Variants in DMD observed in about 807,000 individuals in gnomAD.
DMD encodes the protein dystrophin, also known as mutant dystrophin.
Under a neutral mutation model 330.1 loss-of-function variants are expected in DMD, and 63 were observed. The ratio of observed to expected loss-of-function variants is 0.19; its 90% CI spans 0.16 to 0.24. The LOEUF (loss-of-function observed/expected upper bound fraction) is 0.24. DMD is among the 10% of genes least tolerant of loss of function. The pLI is 1.00. For missense variants in DMD, 3,344 were observed against 2,684.1 expected (o/e 1.25, Z -5.43); for synonymous variants, 1,223 against 959.8 (o/e 1.27, Z -5.07).
chrX:31,779,102 C>T (rs2090864762), intron 50 of DMD, among the ~76,000 whole-genome samples: 1 of 111,467 alleles, frequency 9.0e-6, no homozygotes. Flanking sequence ...TATTGTTGTG[C>T]CAAGGATATT....
At chrX:32,401,084 A>G (rs1412009882) in intron 30 of DMD, among the ~76,000 whole-genome samples, 4 of 108,061 alleles carry the variant, frequency 3.7e-5, no homozygotes, top group Admixed American at 2.0e-4. Flanking sequence ...CTCAAGGACA[A>G]AAAACCAAAC....
chrX:32,466,771 T>A (rs1490860665), intron 23 of DMD, among the ~76,000 whole-genome samples: 1 of 111,524 alleles, frequency 9.0e-6, no homozygotes, highest in Non-Finnish European at 1.9e-5. Context: ...AGACAAGGAA[T>A]GCTTCTAGAA....
chrX:32,248,628 C>A (rs935959394), intron 43 of DMD, among the ~76,000 whole-genome samples: 1 of 109,179 alleles, frequency 9.2e-6, no homozygotes, highest in Non-Finnish European at 1.9e-5. Context: ...AAGTAATTAA[C>A]TCATTGCAAA....
In DMD at chrX:32,503,595, G is replaced by A. The variant is rs780300715; in HGVS notation, c.2293-1753C>T. Among the ~76,000 whole-genome samples, 318 of 110,952 alleles carry A rather than the reference G, an allele frequency of 2.9e-3. 3 individuals are homozygous for A. Among genetic ancestry groups the A allele is most frequent in the African/African-American group, 9.4e-3 (287 of 30,499 alleles). On this transcript the variant is annotated intron_variant, in intron 18 of 78. Coordinates refer to ENST00000357033, the MANE Select transcript of DMD (RefSeq NM_004006.3). ...CTTTGAGACAGAGTCTCACTCTGTCGCCCAGGCTGGAGTGCAGTGGCATGA... is the reference window on the plus strand; with the variant it reads ...CTTTGAGACAGAGTCTCACTCTGTCACCCAGGCTGGAGTGCAGTGGCATGA...
chrX:33,009,194 A>G (rs368818646), intron 2 of DMD, among the ~76,000 whole-genome samples: 7 of 32,267 alleles, frequency 2.2e-4, no homozygotes, highest in African/African-American at 7.2e-4. Flanking sequence ...GTATATATGT[A>G]TATATGTGTA....
chrX:32,864,487 T>C (rs1250041964), intron 2 of DMD, among the ~76,000 whole-genome samples: 1 of 112,414 alleles, frequency 8.9e-6, no homozygotes, highest in African/African-American at 3.2e-5. Flanking sequence ...TATCTTTTCT[T>C]TCTTCTATCA....
chrX:32,006,465 T>A (rs1436916206), intron 44 of DMD, among the ~76,000 whole-genome samples: 2 of 112,094 alleles, frequency 1.8e-5, no homozygotes, highest in South Asian at 7.3e-4. Flanking sequence ...ATCGGATGTG[T>A]AGTTTTAATC....
At chrX:32,104,569 T>A (rs768294591) in intron 44 of DMD, among the ~76,000 whole-genome samples, 4 of 111,770 alleles carry the variant, frequency 3.6e-5, no homozygotes, top group Non-Finnish European at 7.5e-5. Flanking sequence ...ATGAAATGAA[T>A]AGATCTCATA....
rs1015065778 is a variant in DMD, at chrX:32,704,775, G to T, written c.650-5482C>A. Among the ~76,000 whole-genome samples, 9 of 112,084 alleles carry T rather than the reference G, an allele frequency of 8.0e-5. 1 individual carries two copies. Among genetic ancestry groups the T allele is most frequent in the African/African-American group, 2.9e-4 (9 of 30,880 alleles). On this transcript the variant is annotated intron_variant, in intron 7 of 78. Coordinates refer to ENST00000357033, the MANE Select transcript of DMD (RefSeq NM_004006.3). Reference sequence around the variant, plus strand: ...AGAAACTGGAAAGAAGGCACTTCTGGTCATAAACTAGCCATAGCCAGAATG... The same window carrying T: ...AGAAACTGGAAAGAAGGCACTTCTGTTCATAAACTAGCCATAGCCAGAATG...
intron 62 of DMD, among the ~76,000 whole-genome samples, chrX:31,289,740 C>T (rs1433487878): frequency 1.8e-5 from 2 of 110,738 alleles, no homozygotes; most frequent in Non-Finnish European, 3.8e-5. Context: ...TTACGATATT[C>T]TTTTAAAATT....
chrX:32,947,323 C>T (rs1291746969), intron 2 of DMD, among the ~76,000 whole-genome samples: 2 of 112,107 alleles, frequency 1.8e-5, no homozygotes. Context: ...AATAAAATCT[C>T]AAAGTGAAGT....
intron 45 of DMD, among the ~76,000 whole-genome samples, chrX:31,965,968 T>TA (rs771451007): frequency 1.8e-5 from 2 of 111,777 alleles, no homozygotes; most frequent in East Asian, 5.6e-4. Flanking sequence ...TCAGAAGACT[T>TA]AAAGTTTTGC....
intron 2 of DMD, among the ~76,000 whole-genome samples, chrX:32,874,051 G>A (rs2083198633): frequency 8.9e-6 from 1 of 111,902 alleles, no homozygotes; most frequent in South Asian, 3.7e-4. Context: ...CTCAACTGGT[G>A]CTCCTAGATT....
At chrX:31,645,338 G>C (rs968505574) in intron 54 of DMD, among the ~76,000 whole-genome samples, 5 of 112,069 alleles carry the variant, frequency 4.5e-5, no homozygotes, top group Admixed American at 9.5e-5. Context: ...GGCTCTGCCA[G>C]AGAATCAATC....
intron 44 of DMD, among the ~76,000 whole-genome samples, chrX:32,196,534 T>A (rs899531426): frequency 2.7e-5 from 3 of 112,454 alleles, no homozygotes; most frequent in Admixed American, 9.4e-5. Flanking sequence ...GGCTTCGCAA[T>A]CATTATAGAT....
chrX:31,314,766 G>GAA (rs1409513739), intron 62 of DMD, among the ~76,000 whole-genome samples: 783 of 37,291 alleles, frequency 0.021, 6 homozygotes, highest in Non-Finnish European at 0.029. Flanking sequence ...GAGAGAGAGA[G>GAA]AGAGAGAGAG....
At position 32,997,328 on chromosome X, in the gene DMD, C is replaced by T. The variant is rs777093978; in HGVS notation, c.93+22811G>A. On this transcript the variant is annotated intron_variant, in intron 2 of 78. Transcript: ENST00000357033. The stretch of plus-strand genomic sequence containing the variant: ...TGGCGCGATCTCGGCTCACTGCAAC[C>T]TCCGCCTCCTGGGTTCAATCAATTC... 4.6e-5 allele frequency among the ~76,000 whole-genome samples: 5 copies of T among 109,539 alleles called. No individual in the cohort carries two copies. In the East Asian group the frequency reaches 1.2e-3, roughly 25 times the overall value.
At chrX:32,950,338 T>C (rs1464896365) in intron 2 of DMD, among the ~76,000 whole-genome samples, 5 of 110,961 alleles carry the variant, frequency 4.5e-5, no homozygotes, top group African/African-American at 1.3e-4. Context: ...TACAGGTGAG[T>C]GATGAAGTAT....
chrX:31,972,999 T>C (rs909274650), intron 44 of DMD, among the ~76,000 whole-genome samples: 2 of 111,930 alleles, frequency 1.8e-5, no homozygotes, highest in Admixed American at 1.9e-4. Flanking sequence ...TATTAGAAAA[T>C]ATAGCCAATA....
Sources: allele counts gnomAD v4.1 joint callset (sites outside exome capture counted in the v4.1 genomes callset), GRCh38; gene constraint gnomAD v4.1.1; transcripts MANE v1.5; gene names NCBI Gene and HGNC (gene_info 2026-07-23, HGNC 2026-07-21).